The following FAF2 variants were observed in gnomAD, a reference collection of about 807,000 sequenced individuals.
FAF2 encodes FAS-associated factor 2.
FAF2 carries 9 observed loss-of-function variants against 62.3 expected under a neutral mutation model. The observed-to-expected ratio is 0.14, with a 90% confidence interval of 0.09 to 0.25. FAF2 has a LOEUF of 0.25. Ranked by LOEUF, FAF2 falls within the 10% of genes least tolerant of loss-of-function variation. FAF2 has a pLI of 1.00. For missense variants in FAF2, 368 were observed against 556.2 expected, an observed-to-expected ratio of 0.66 and a Z score of 3.40; for synonymous variants, 202 against 198.0, an observed-to-expected ratio of 1.02 and a Z score of -0.17.
At chr5:176,464,156 C>T (rs542618648) in intron 1 of FAF2, among the ~76,000 whole-genome samples, 21 of 151,510 alleles carry the variant, frequency 1.4e-4, no homozygotes, top group African/African-American at 3.1e-4. Flanking sequence ...AGGGTCTCAC[C>T]GTGTTTCCCA....
At chr5:176,466,528 A>T (rs1380708108) in intron 1 of FAF2, among the ~76,000 whole-genome samples, 1 of 152,224 alleles carries the variant, frequency 6.6e-6, no homozygotes, top group African/African-American at 2.4e-5. Flanking sequence ...AAATGAGGAG[A>T]TTACACCCTG....
At chr5:176,504,874 T>C (rs1755649992) in intron 10 of FAF2, among the ~76,000 whole-genome samples, 1 of 152,110 alleles carries the variant, frequency 6.6e-6, no homozygotes, top group African/African-American at 2.4e-5. Context: ...ATTTTAAAAG[T>C]TAACCAGGCA....
rs374245611 is a variant in FAF2 at position 176,486,825 on chromosome 5, C to T, written c.267+336C>T. Among the ~76,000 whole-genome samples, 343 of 152,274 alleles carry T rather than the reference C, an allele frequency of 2.3e-3. 1 individual carries two copies. The highest frequency in any genetic ancestry group is 6.8e-3 in the Middle Eastern group (2 of 294). The stretch of plus-strand genomic sequence containing the variant: ...GGAATCTTTGTAGGAGCTTTGGCCA[C>T]GTCTTTGAAATTAGCCTTGAAGGGC... On this transcript the variant is annotated intron_variant, in intron 3 of 10. Transcript: ENST00000261942.
chr5:176,500,283 G>T (rs952364126), intron 10 of FAF2, 137 bp downstream of exon 10: 1 of 821,978 alleles, frequency 1.2e-6, no homozygotes, highest in Non-Finnish European at 1.9e-6. Context: ...GAGAGAGATG[G>T]GTATGCCATC....
intron 1 of FAF2, among the ~76,000 whole-genome samples, chr5:176,451,884 ATATATATATTTTTTTTTTTT>A (rs2113712730): frequency 1.1e-4 from 3 of 28,348 alleles, no homozygotes; most frequent in South Asian, 1.3e-3. Flanking sequence ...ACATATATAT[ATATATATATTTTTTTTTTTT>A]TTTTTTTTTT....
chr5:176,505,930 C>T (rs1379670128), intron 10 of FAF2, among the ~76,000 whole-genome samples: 1 of 152,058 alleles, frequency 6.6e-6, no homozygotes, highest in African/African-American at 2.4e-5. Flanking sequence ...GCACTTTACG[C>T]CTGTAATCCC....
intron 1 of FAF2, among the ~76,000 whole-genome samples, chr5:176,478,611 A>G (rs1444839331): frequency 1.3e-5 from 2 of 152,256 alleles, no homozygotes; most frequent in East Asian, 1.9e-4. Context: ...GGAAAGGTGC[A>G]TTACATCATT....
At chr5:176,482,207 T>A (rs1415280925) in intron 2 of FAF2, among the ~76,000 whole-genome samples, 1 of 149,018 alleles carries the variant, frequency 6.7e-6, no homozygotes, top group Non-Finnish European at 1.5e-5. Context: ...CTTTTTCATG[T>A]TGAGCTGTGA....
At chr5:176,497,554 A>G (rs1254577762) in intron 8 of FAF2, among the ~76,000 whole-genome samples, 9 of 152,188 alleles carry the variant, frequency 5.9e-5, no homozygotes, top group Admixed American at 2.6e-4. Flanking sequence ...TTACTGCATA[A>G]CATTCCATTA....
intron 4 of FAF2, among the ~76,000 whole-genome samples, chr5:176,491,262 G>C (rs774512545): frequency 6.6e-6 from 1 of 152,154 alleles, no homozygotes; most frequent in Non-Finnish European, 1.5e-5. Context: ...CCTCTGTCCT[G>C]TTGCCTTCTC....
chr5:176,474,888 T>G (rs1758660273), intron 1 of FAF2, among the ~76,000 whole-genome samples: 1 of 152,200 alleles, frequency 6.6e-6, no homozygotes, highest in African/African-American at 2.4e-5. Context: ...CCTGGATATA[T>G]AGTGAATGTA....
chr5:176,451,855 T>C (rs1462008282), intron 1 of FAF2, among the ~76,000 whole-genome samples: 1 of 38,954 alleles, frequency 2.6e-5, no homozygotes, highest in Non-Finnish European at 4.4e-5. Flanking sequence ...CACATATATA[T>C]ACACATATAT....
At chr5:176,475,292 G>C (rs1352829043) in intron 1 of FAF2, among the ~76,000 whole-genome samples, 1 of 151,956 alleles carries the variant, frequency 6.6e-6, no homozygotes, top group Non-Finnish European at 1.5e-5. Flanking sequence ...ACCACACCCG[G>C]CTAATTTTTT....
At chr5:176,455,887 C>T (rs539117395) in intron 1 of FAF2, among the ~76,000 whole-genome samples, 1 of 151,764 alleles carries the variant, frequency 6.6e-6, no homozygotes, top group South Asian at 2.1e-4. Flanking sequence ...CATAAATATT[C>T]ATTTATGTAA....
intron 1 of FAF2, among the ~76,000 whole-genome samples, chr5:176,469,976 G>A (rs1758536824): frequency 6.6e-6 from 1 of 152,172 alleles, no homozygotes; most frequent in Non-Finnish European, 1.5e-5. Flanking sequence ...AGAGGGTGGG[G>A]TGGAAAAGTT....
At chr5:176,489,363 A>G (rs1232633281) in intron 4 of FAF2, among the ~76,000 whole-genome samples, 1 of 142,848 alleles carries the variant, frequency 7.0e-6, no homozygotes, top group Non-Finnish European at 1.5e-5. Context: ...TCTAACCACT[A>G]TCATCTCCTA....
At chr5:176,475,400 A>G (rs569016415) in intron 1 of FAF2, among the ~76,000 whole-genome samples, 2 of 152,114 alleles carry the variant, frequency 1.3e-5, no homozygotes, top group African/African-American at 4.8e-5. Flanking sequence ...CCACAGTGCT[A>G]GGATTGCAGG....
At chr5:176,477,624 T>C (rs1162422045) in intron 1 of FAF2, among the ~76,000 whole-genome samples, 1 of 152,214 alleles carries the variant, frequency 6.6e-6, no homozygotes, top group East Asian at 1.9e-4. Flanking sequence ...AACATTAACA[T>C]TTTTTATTGC....
intron 10 of FAF2, among the ~76,000 whole-genome samples, chr5:176,506,019 T>TGA (rs1755677661): frequency 5.9e-5 from 9 of 151,908 alleles, no homozygotes; most frequent in Admixed American, 1.3e-4. Context: ...TGAAACCCCA[T>TGA]CTCTGCTAAA....
Sources: gnomAD v4.1 joint callset for allele counts (sites outside exome capture counted in the v4.1 genomes callset) on GRCh38, gnomAD v4.1.1 for gene constraint, MANE v1.5 for transcripts, NCBI Gene and HGNC (gene_info 2026-07-23, HGNC 2026-07-21) for gene names.